Variants in EYS observed in about 807,000 individuals in gnomAD.
EYS encodes EGF-like photoreceptor maintenance factor.
EYS carries 250 observed loss-of-function variants against 282.1 expected under a neutral mutation model. The observed-to-expected ratio is 0.89, with a 90% CI of 0.80 to 0.98. EYS has a LOEUF of 0.98. Among genes scored for constraint, EYS ranks in the 50% least tolerant of loss-of-function variants. The pLI, the probability that EYS is intolerant of heterozygous loss-of-function variation, is 0.00. For missense variants in EYS, 4,016 were observed against 3,709.0 expected (o/e 1.08, Z -2.15); for synonymous variants, 1,355 against 1,282.9 (o/e 1.06, Z -1.20).
chr6:65,493,192 G>C (rs1332390096), intron 4 of EYS, among the ~76,000 whole-genome samples: 1 of 152,186 alleles, frequency 6.6e-6, no homozygotes, highest in Admixed American at 6.5e-5. Flanking sequence ...TGGGATTATA[G>C]GCATGAGCCG....
At chr6:64,121,984 GT>G (rs1773606532) in intron 31 of EYS, among the ~76,000 whole-genome samples, 1 of 151,990 alleles carries the variant, frequency 6.6e-6, no homozygotes, top group South Asian at 2.1e-4. Context: ...ATTTCCATCT[GT>G]TTTGTTTTAT....
chr6:64,263,405 T>G (rs1424937333), intron 30 of EYS, among the ~76,000 whole-genome samples: 2 of 152,104 alleles, frequency 1.3e-5, no homozygotes, highest in Non-Finnish European at 2.9e-5. Flanking sequence ...TGGTTTTATA[T>G]CTCATCTTCT....
chr6:64,452,898 T>TA (rs1292544689), intron 26 of EYS, among the ~76,000 whole-genome samples: 1 of 152,144 alleles, frequency 6.6e-6, no homozygotes, highest in Non-Finnish European at 1.5e-5. Context: ...CCTGAAACCA[T>TA]AAAAACCCTA....
intron 15 of EYS, among the ~76,000 whole-genome samples, chr6:64,941,972 G>A (rs114434476): frequency 0.016 from 2,360 of 152,144 alleles, 57 homozygotes; most frequent in African/African-American, 0.054. Context: ...TTGGATATAA[G>A]CCCAGTAATG....
intron 14 of EYS, among the ~76,000 whole-genome samples, chr6:64,964,098 T>A (rs552007750): frequency 8.5e-5 from 13 of 152,096 alleles, no homozygotes; most frequent in Non-Finnish European, 1.6e-4. Context: ...ATTATCACTA[T>A]TACATATTTT....
At chr6:63,895,446 TAGC>T (rs1408422617) in intron 35 of EYS, among the ~76,000 whole-genome samples, 6 of 152,218 alleles carry the variant, frequency 3.9e-5, no homozygotes, top group African/African-American at 1.4e-4. Context: ...CACAGCTAGT[TAGC>T]AGAGTTGGAA....
chr6:65,498,726 T>C (rs1012059369), intron 2 of EYS, among the ~76,000 whole-genome samples: 2 of 151,920 alleles, frequency 1.3e-5, no homozygotes, highest in African/African-American at 4.8e-5. Context: ...GAATACAAAA[T>C]GCTTTGGATT....
At chr6:63,969,080 T>G (rs1259831926) in intron 35 of EYS, among the ~76,000 whole-genome samples, 1 of 152,218 alleles carries the variant, frequency 6.6e-6, no homozygotes, top group Non-Finnish European at 1.5e-5. Context: ...GTTTTCACAG[T>G]GATATATTTT....
chr6:64,251,836 G>A (rs1374818404), intron 30 of EYS, among the ~76,000 whole-genome samples: 2 of 152,062 alleles, frequency 1.3e-5, no homozygotes, highest in African/African-American at 4.8e-5. Context: ...GTGAAGAGAA[G>A]TTCTAAAATG....
chr6:65,506,877 T>C (rs1448116268), intron 2 of EYS, among the ~76,000 whole-genome samples: 3 of 152,178 alleles, frequency 2.0e-5, no homozygotes, highest in Admixed American at 1.3e-4. Flanking sequence ...TTATCTCTCC[T>C]GATCTTTCTG....
chr6:64,896,738 C>T (rs1767483477), intron 18 of EYS, among the ~76,000 whole-genome samples: 1 of 152,046 alleles, frequency 6.6e-6, no homozygotes, highest in Non-Finnish European at 1.5e-5. Context: ...GTCTGAAGTC[C>T]ACCTGGGATG....
At chr6:65,404,825 T>G (rs1766657775) in intron 6 of EYS, among the ~76,000 whole-genome samples, 1 of 151,942 alleles carries the variant, frequency 6.6e-6, no homozygotes, top group Non-Finnish European at 1.5e-5. Context: ...GAAAAGACAG[T>G]AATTTGTGAG....
intron 26 of EYS, among the ~76,000 whole-genome samples, chr6:64,482,445 T>C (rs923091069): frequency 1.3e-5 from 2 of 151,756 alleles, no homozygotes; most frequent in African/African-American, 4.8e-5. Flanking sequence ...AGATAGCTTA[T>C]TTTTTTCAAA....
At chr6:65,612,581 A>T (rs2149795832) in intron 2 of EYS, among the ~76,000 whole-genome samples, 1 of 151,914 alleles carries the variant, frequency 6.6e-6, no homozygotes, top group South Asian at 2.1e-4. Context: ...AAATATTTCT[A>T]TTGCTGAGTT....
chr6:63,971,264 A>C (rs1163844941), intron 35 of EYS, among the ~76,000 whole-genome samples: 1 of 152,184 alleles, frequency 6.6e-6, no homozygotes. Context: ...GCTCCATCCT[A>C]GCATTATCTG....
Position 65,345,777 on chromosome 6 carries a change from C to T in EYS, c.1460-1600G>A, listed in dbSNP as rs1030070274. ...GAATTAAAAAAATAAATAAAACAAA[C>T]GTTTTAACCCACAAAAAAGAGTGAG... On this transcript the variant is annotated intron_variant, in intron 9 of 42. Transcript: ENST00000503581. 5.3e-5 allele frequency among the ~76,000 whole-genome samples: 8 copies of T among 151,024 alleles called. No homozygotes were observed. The East Asian group carries it at 1.6e-3, about 30-fold the overall frequency.
At chr6:65,037,064 G>A (rs114138289) in intron 13 of EYS, among the ~76,000 whole-genome samples, 76 of 151,970 alleles carry the variant, frequency 5.0e-4, no homozygotes, top group African/African-American at 1.8e-3. Flanking sequence ...CTATCTAAAT[G>A]CCTATCAATG....
intron 18 of EYS, among the ~76,000 whole-genome samples, chr6:64,891,252 A>G (rs1045571634): frequency 2.6e-5 from 4 of 152,138 alleles, no homozygotes; most frequent in Admixed American, 1.3e-4. Flanking sequence ...ACTTTCCACC[A>G]CACTAAACAA....
intron 13 of EYS, among the ~76,000 whole-genome samples, chr6:65,014,737 GTAGAAAAAATGA>G (rs1407750220): frequency 6.6e-6 from 1 of 152,162 alleles, no homozygotes; most frequent in Non-Finnish European, 1.5e-5. Flanking sequence ...GGGTAGCATG[GTAGAAAAAATGA>G]TGCCCTCCCA....
Sources: gnomAD v4.1 joint callset for allele counts (sites outside exome capture counted in the v4.1 genomes callset) on GRCh38, gnomAD v4.1.1 for gene constraint, MANE v1.5 for transcripts, NCBI Gene and HGNC (gene_info 2026-07-23, HGNC 2026-07-21) for gene names.